TULP4: variants seen among roughly 807,000 people sequenced by gnomAD.
TULP4 encodes the protein tubby-related protein 4.
In TULP4, 16 loss-of-function variants were observed where a neutral mutation model predicts 129.0. The ratio of observed to expected loss-of-function variants is 0.12; its 90% CI spans 0.08 to 0.19. TULP4 has a LOEUF of 0.19. TULP4 is among the 10% of genes least tolerant of loss of function. TULP4 has a pLI of 1.00. For missense variants in TULP4, 1,842 were observed against 2,059.1 expected (o/e 0.89, Z 2.04); for synonymous variants, 998 against 854.0 (o/e 1.17, Z -2.94).
At chr6:158,289,449 G>A (rs1458464609) in intron 1 of TULP4, among the ~76,000 whole-genome samples, 3 of 151,384 alleles carry the variant, frequency 2.0e-5, no homozygotes, top group African/African-American at 7.3e-5. Flanking sequence ...TTTGGTTTAT[G>A]CTGTACTTTT....
chr6:158,502,436 T>A lies in TULP4; in HGVS notation c.2773T>A (p.Leu925Met), dbSNP rs765278266. The change falls in exon 13 of 14, where the codon TTG becomes ATG. Residue 925 changes from leucine to methionine, a missense_variant. Leu to Met is a conservative substitution (Grantham distance 15, BLOSUM62 2). Transcript: ENST00000367097. ...TLPGPGSSAT[L>M]RLTATEKKVP... Reference sequence around the variant, plus strand: ...CCCCGGCCCGGGTAGCTCTGCCACCTTGAGGCTCACGGCCACTGAGAAGAA... The same window carrying A: ...CCCCGGCCCGGGTAGCTCTGCCACCATGAGGCTCACGGCCACTGAGAAGAA... 2 of 1,613,390 alleles carry A rather than the reference T, an allele frequency of 1.2e-6. No homozygotes were observed. Among genetic ancestry groups the A allele is most frequent in the African/African-American group, 1.3e-5 (1 of 74,884 alleles).
At chr6:158,293,589 A>C (rs997294207) in intron 1 of TULP4, among the ~76,000 whole-genome samples, 10 of 152,212 alleles carry the variant, frequency 6.6e-5, no homozygotes, top group Non-Finnish European at 1.5e-4. Flanking sequence ...TTATGTGCTC[A>C]GTGCTTCTGT....
chr6:158,326,220 C>T (rs6455574), intron 1 of TULP4, among the ~76,000 whole-genome samples: 142,041 of 152,288 alleles, frequency 0.93, 66,322 homozygotes, highest in Admixed American at 0.95. Flanking sequence ...ATAAAAATTT[C>T]CCCCCCAGTG....
At position 158,509,436 on chromosome 6, in the gene TULP4, A is replaced by T. The variant is rs1323839365; in HGVS notation, c.*2742A>T. ...GAGAGTAGCCAAGGAAAGAGTTACT[A>T]GGTAATAAGCTTCACTTTTTGTGTT... On this transcript the variant is annotated 3_prime_UTR_variant, in exon 14 of 14. Coordinates refer to ENST00000367097, the MANE Select transcript of TULP4 (RefSeq NM_020245.5). 6.6e-6 allele frequency: 1 copy of T among 152,180 alleles called. No homozygotes were observed. Among genetic ancestry groups the T allele is most frequent in the African/African-American group, 2.4e-5 (1 of 41,454 alleles). The allele number at this position is 152,180 out of a possible 1,614,324, so 9.4% of individuals were successfully genotyped here.
At chr6:158,343,562 C>T (rs1452275074) in intron 1 of TULP4, among the ~76,000 whole-genome samples, 1 of 152,088 alleles carries the variant, frequency 6.6e-6, no homozygotes, top group African/African-American at 2.4e-5. Context: ...ACCCTCTTTC[C>T]CTCACATGAG....
intron 1 of TULP4, among the ~76,000 whole-genome samples, chr6:158,248,028 G>A (rs1778059037): frequency 6.6e-6 from 1 of 152,178 alleles, no homozygotes; most frequent in Non-Finnish European, 1.5e-5. Context: ...GGCTTCTGCT[G>A]TGCGCACAAA....
At chr6:158,492,325 C>G (rs1780234889) in intron 9 of TULP4, among the ~76,000 whole-genome samples, 1 of 152,154 alleles carries the variant, frequency 6.6e-6, no homozygotes, top group Non-Finnish European at 1.5e-5. Flanking sequence ...CAGCAGCTTT[C>G]TAGTTTTAGC....
Position 158,501,970 on chromosome 6 carries a change from C to G in TULP4, c.2307C>G (p.Asn769Lys), listed in dbSNP as rs1246702119. Residue 769 changes from asparagine (N) to lysine (K), a missense_variant, in exon 13 of 14, where the codon AAC (asparagine) becomes AAG (lysine). Around this residue, in one of 5 missense-constraint regions of TULP4, gnomAD observed 1,089 missense variants for 987.1 expected, o/e 1.10. Coordinates refer to ENST00000367097, the MANE Select transcript of TULP4 (RefSeq NM_020245.5). The part of the protein sequence containing the change: ...GSVEMGRIIQ[N>K]PPPLSLPPPP... ...TGGAAATGGGCCGCATCATTCAGAA[C>G]CCCCCTCCACTGTCCCTGCCTCCCC... 3.7e-6 allele frequency: 6 copies of G among 1,613,244 alleles called. No individual in the cohort carries two copies. The highest frequency in any genetic ancestry group is 1.7e-5 in the Admixed American group (1 of 59,946).
At chr6:158,397,691 T>C (rs931194636) in intron 1 of TULP4, among the ~76,000 whole-genome samples, 1 of 152,194 alleles carries the variant, frequency 6.6e-6, no homozygotes, top group Non-Finnish European at 1.5e-5. Context: ...CTCCCACTCA[T>C]GTGCCTGAGT....
chr6:158,332,169 C>CA lies in TULP4; in HGVS notation c.252+17933dup, dbSNP rs1169601263. ...CCTGGTCGACAGAGTAAGACTCTGT[C>CA]AAAAAAAAAAAAAAAAAAAAAAAAA... On this transcript the variant is annotated intron_variant, in intron 1 of 13. Transcript: ENST00000367097. 9.0e-4 allele frequency among the ~76,000 whole-genome samples: 59 copies of CA among 65,250 alleles called. 1 individual carries two copies. Among genetic ancestry groups the CA allele is most frequent in the African/African-American group, 3.9e-3 (44 of 11,412 alleles). The allele number at this position is 65,250 out of a possible 152,430, so 42.8% of individuals were successfully genotyped here.
chr6:158,308,683 C>T (rs1449954837), upstream of TULP4, among the ~76,000 whole-genome samples: 3 of 145,974 alleles, frequency 2.1e-5, no homozygotes, highest in Admixed American at 6.8e-5. Context: ...CAGAGGGGCT[C>T]CTCACTTCCC....
At chr6:158,279,000 C>T (rs1339461823), upstream of TULP4, among the ~76,000 whole-genome samples, 11 of 144,390 alleles carry the variant, frequency 7.6e-5, no homozygotes, top group African/African-American at 2.6e-4. Flanking sequence ...AGTGCAGTGG[C>T]GTGATCTCGG....
rs762032568 is a variant in TULP4 at position 158,481,269 on chromosome 6, C to T, written c.1466C>T (p.Pro489Leu). ...KLRPEFVIMD[P>L]RTDSKPDEIY... is the part of the protein sequence containing the mutation. Reference sequence around the variant, plus strand: ...CGGCCAGAGTTCGTCATCATGGACCCGCGGACAGATAGCAAACCAGGTGGG... The same window carrying T: ...CGGCCAGAGTTCGTCATCATGGACCTGCGGACAGATAGCAAACCAGGTGGG... Residue 489 changes from proline (P) to leucine (L), a missense_variant, in exon 8 of 14, where the codon CCG becomes CTG. This residue lies in a region of TULP4 where 456 missense variants were observed against 534.3 expected (regional missense o/e 0.85). Transcript: ENST00000367097. The T allele has an allele frequency of 3.1e-6, 5 of 1,613,886 alleles. No homozygotes were observed. Among genetic ancestry groups the T allele is most frequent in the South Asian group, 2.2e-5 (2 of 91,058 alleles).
At chr6:158,427,470 CCTTTTTTTTTTTTTTTTTTTTTT>C (rs1382972557) in intron 2 of TULP4, among the ~76,000 whole-genome samples, 2 of 100,678 alleles carry the variant, frequency 2.0e-5, no homozygotes, top group East Asian at 5.6e-4. Flanking sequence ...AATTATCAGA[CCTTTTTTTTTTTTTTTTTTTTTT>C]TTTTTTTTTT....
intron 1 of TULP4, among the ~76,000 whole-genome samples, chr6:158,339,056 A>G (rs527342823): frequency 6.6e-6 from 1 of 152,352 alleles, no homozygotes; most frequent in South Asian, 2.1e-4. Context: ...TGTGCCAGAT[A>G]TCAGGGGAAC....
intron 1 of TULP4, among the ~76,000 whole-genome samples, chr6:158,315,833 G>A (rs1173211552): frequency 6.6e-6 from 1 of 152,170 alleles, no homozygotes; most frequent in Non-Finnish European, 1.5e-5. Context: ...GCTTCCTTGG[G>A]CCTATCTTAC....
intron 1 of TULP4, among the ~76,000 whole-genome samples, chr6:158,246,929 A>G (rs1662125646): frequency 6.6e-6 from 1 of 152,228 alleles, no homozygotes; most frequent in Non-Finnish European, 1.5e-5. Flanking sequence ...GTAGGTGTGC[A>G]GCAGTGCTGT....
At chr6:158,462,339 A>G (rs1779447133) in intron 6 of TULP4, among the ~76,000 whole-genome samples, 1 of 151,540 alleles carries the variant, frequency 6.6e-6, no homozygotes, top group Non-Finnish European at 1.5e-5. Flanking sequence ...TGGTGCAGAG[A>G]GAGAGAGACC....
chr6:158,501,009 G>A lies in TULP4; in HGVS notation c.2015-669G>A, dbSNP rs1468770260. Among the ~76,000 whole-genome samples the A allele has an allele frequency of 2.0e-5, 3 of 152,264 alleles. No individual in the cohort carries two copies. The East Asian group carries it at 5.8e-4, about 29-fold the overall frequency. Reference sequence around the variant, plus strand: ...CAGGAGAATCACTTGAACCCAGGAGGTGGAGGTTGCAGTGAGCTGAACTCC... The same window carrying A: ...CAGGAGAATCACTTGAACCCAGGAGATGGAGGTTGCAGTGAGCTGAACTCC... On this transcript the variant is annotated intron_variant, in intron 12 of 13. Transcript: ENST00000367097.
Sources: gnomAD v4.1 joint callset for allele counts (sites outside exome capture counted in the v4.1 genomes callset) on GRCh38, gnomAD v4.1.1 for gene constraint, gnomAD v4.1.1 regional missense constraint, MANE v1.5 for transcripts, NCBI Gene and HGNC (gene_info 2026-07-23, HGNC 2026-07-21) for gene names.